SLC26A6: variants seen among roughly 807,000 people sequenced by gnomAD.
SLC26A6 encodes solute carrier family 26 member 6.
In SLC26A6, 67 loss-of-function variants were observed where a neutral mutation model predicts 87.1. The ratio of observed to expected loss-of-function variants is 0.77; its 90% confidence interval spans 0.63 to 0.94. The LOEUF (loss-of-function observed/expected upper bound fraction) is 0.94, where lower values mean the gene tolerates loss of function less well. Ranked by LOEUF, SLC26A6 falls within the 40% of genes least tolerant of loss-of-function variation. The probability of loss-of-function intolerance (pLI) is 0.00; values close to 1 mark genes in which losing one functional copy is unlikely to be tolerated. For synonymous variants in SLC26A6, 414 were observed against 405.9 expected (o/e 1.02, Z -0.24); for missense variants, 902 against 973.0 (o/e 0.93, Z 0.97).
At chr3:48,634,698 G>C (rs751956162) in intron 1 of SLC26A6, 147 of 984,672 alleles carry the variant, frequency 1.5e-4, no homozygotes, top group Admixed American at 1.8e-4. Flanking sequence ...CCTGACCTGG[G>C]GAGAGGATCC....
rs749434122 is a variant in SLC26A6, at chr3:48,631,957, G to C, written c.673C>G (p.Gln225Glu). ...TACTTGAGCTGTGAGACGAAGACCT[G>C]CACAGCTGCAGCTGTGGTATAGCCT... ...VRGYTTAAAV[Q>E]VFVSQLKYVF... Residue 225 changes from glutamine (Q) to glutamate (E), a missense_variant, in exon 6 of 21, where the codon CAG (glutamine) becomes GAG (glutamate). By Grantham distance (29) the Gln-to-Glu change is conservative (BLOSUM62 2). Transcript: ENST00000395550. 1.9e-6 allele frequency: 3 copies of C among 1,613,550 alleles called. No individual in the cohort carries two copies. The Admixed American group carries it at 5.0e-5, about 27-fold the overall frequency.
At chr3:48,635,349 C>T (rs914516329) in intron 1 of SLC26A6, 22 bp downstream of exon 1, 14 of 1,585,024 alleles carry the variant, frequency 8.8e-6, no homozygotes, top group African/African-American at 1.4e-5. Context: ...GCGGGGCCAC[C>T]GGGAATGTGC....
In SLC26A6 at chr3:48,625,989, G is replaced by T. The variant is rs1176599026; in HGVS notation, c.2277C>A (p.Leu759=). The change falls in exon 21 of 21, where the codon CTC becomes CTA. Residue 759 remains leucine, a synonymous_variant. Transcript: ENST00000395550. The surrounding 1 kb of genome is among the most constrained non-coding windows in gnomAD (Gnocchi z 4.7). ...VPDSPVSVTR[L] The stretch of plus-strand genomic sequence containing the variant: ...TCTTGGGCAGGATGTAGCATGTTCA[G>T]AGTCTGGTGACCTGAGCAGGCAGAG... 6.2e-7 allele frequency: 1 copy of T among 1,613,696 alleles called. No individual in the cohort carries two copies. Among genetic ancestry groups the T allele is most frequent in the East Asian group, 2.2e-5 (1 of 44,890 alleles).
At position 48,626,958 on chromosome 3, in the gene SLC26A6, G is replaced by A; in HGVS notation, c.1991C>T (p.Pro664Leu). 1 of 1,614,228 alleles carries A rather than the reference G, an allele frequency of 6.2e-7. No homozygotes were observed. The highest frequency in any genetic ancestry group is 8.5e-7 in the Non-Finnish European group (1 of 1,180,046). ...GATGAGGCTGTGGAAGTCTGGCTGA[G>A]GCAGGCCCAGGGCCTTCAGTGTGGA... is the stretch of plus-strand genomic sequence containing the variant. The part of the protein sequence containing the change: ...DGSTLKALGL[P>L]QPDFHSLILD... Residue 664 changes from proline (P) to leucine (L), a missense_variant, in exon 18 of 21, where the codon CCT (proline) becomes CTT (leucine). Pro to Leu is a moderately conservative substitution (Grantham distance 98, BLOSUM62 -3). Coordinates refer to ENST00000395550, the MANE Select transcript of SLC26A6 (RefSeq NM_022911.3).
chr3:48,629,654 T>A lies in SLC26A6; in HGVS notation c.1587A>T (p.Ala529=). Residue 529 remains alanine, a synonymous_variant, in exon 14 of 21, where the codon GCA becomes GCT. Coordinates refer to ENST00000395550, the MANE Select transcript of SLC26A6 (RefSeq NM_022911.3). ...CCCTGACACTCACCTCTGAGTACTC[T>A]GCCACATCTCTGTAAATATCCGTGT... ...VPDTDIYRDV[A]EYSEAKEVRG... is the part of the protein sequence containing the mutation. The A allele has an allele frequency of 1.2e-6, 2 of 1,612,668 alleles. No homozygotes were observed. Among genetic ancestry groups the A allele is most frequent in the Non-Finnish European group, 1.7e-6 (2 of 1,179,304 alleles).
chr3:48,626,674 G>A lies in SLC26A6; in HGVS notation c.2085C>T (p.Asp695=), dbSNP rs774856729. Residue 695 remains aspartate (D), a synonymous_variant, in exon 19 of 21, where the codon GAC becomes GAT. Coordinates refer to ENST00000395550, the MANE Select transcript of SLC26A6 (RefSeq NM_022911.3). ...ACACCTCCACCTCAATCTCCCGGAA[G>A]TCATGGAAAATCTGTAGCGGAAAAG... is the stretch of plus-strand genomic sequence containing the variant. ...CLKSLKNIFH[D]FREIEVEVYM... 2.5e-6 allele frequency: 4 copies of A among 1,614,024 alleles called. No individual in the cohort carries two copies. The highest frequency in any genetic ancestry group is 1.7e-5 in the Admixed American group (1 of 60,000).
Position 48,630,708 on chromosome 3 carries a change from G to C in SLC26A6, c.1147C>G (p.Leu383Val). The change falls in exon 10 of 21, where the codon CTG becomes GTG. Residue 383 changes from leucine (L) to valine (V), a missense_variant. Leu to Val is a conservative substitution (Grantham distance 32). Coordinates refer to ENST00000395550, the MANE Select transcript of SLC26A6 (RefSeq NM_022911.3). ...RVDSNQELVA[L>V]GLSNLIGGIF... Reference sequence around the variant, plus strand: ...CCTCCGATAAGGTTACTGAGGCCCAGGGCCACCAGCTCCTGACGGGGGACA... The same window carrying C: ...CCTCCGATAAGGTTACTGAGGCCCACGGCCACCAGCTCCTGACGGGGGACA... The C allele has an allele frequency of 6.2e-7, 1 of 1,600,314 alleles. No homozygotes were observed. Among genetic ancestry groups the C allele is most frequent in the Non-Finnish European group, 8.5e-7 (1 of 1,172,550 alleles).
At chr3:48,627,845 G>A (rs764111100) in intron 17 of SLC26A6, 101 bp downstream of exon 17, 13 of 1,143,278 alleles carry the variant, frequency 1.1e-5, no homozygotes, top group South Asian at 4.8e-5. Context: ...CAACACCCTC[G>A]AGCCCACAGC....
chr3:48,628,716 T>G lies in SLC26A6; in HGVS notation c.1600-2A>C. 1.2e-6 allele frequency: 2 copies of G among 1,612,982 alleles called. No individual in the cohort carries two copies. The highest frequency in any genetic ancestry group is 1.7e-6 in the Non-Finnish European group (2 of 1,179,636). On this transcript the variant is annotated splice_acceptor_variant, in intron 14 of 20. Coordinates refer to ENST00000395550, the MANE Select transcript of SLC26A6 (RefSeq NM_022911.3). LOFTEE classifies it high-confidence loss of function. The surrounding 1 kb of genome is among the most constrained non-coding windows in gnomAD (Gnocchi z 4.4). ...CTTCACCCCCCGGACTTCCTTGGCC[T>G]GGGGATGAGGCAGAACTGGTGGTGG...
chr3:48,631,526 C>T (rs185544819), intron 7 of SLC26A6, 123 bp downstream of exon 7: 15 of 1,331,068 alleles, frequency 1.1e-5, no homozygotes, highest in Admixed American at 5.0e-5. Context: ...GTGCCCCCCA[C>T]AATACCCAAG....
At chr3:48,633,686 T>A in intron 1 of SLC26A6, 51 bp from the exon 2 acceptor site, 1 of 1,599,150 alleles carries the variant, frequency 6.3e-7, no homozygotes, top group Non-Finnish European at 8.5e-7. Context: ...TGGCCCAACC[T>A]CCCCTACACC....
At chr3:48,630,813 C>G in intron 9 of SLC26A6, 93 bp from the exon 10 acceptor site, 1 of 1,500,284 alleles carries the variant, frequency 6.7e-7, no homozygotes. Context: ...CAATCTCCAT[C>G]CCCACCAAGT....
rs970278114 is a variant in SLC26A6, at chr3:48,631,983, C to T, written c.647G>A (p.Arg216Gln). ...CACAGCTGCAGCTGTGGTATAGCCTCGGACAAGAGGTTCTGACAGGTAGGT... is the reference window on the plus strand; with the variant it reads ...CACAGCTGCAGCTGTGGTATAGCCTTGGACAAGAGGTTCTGACAGGTAGGT... ...VVTYLSEPLV[R>Q]GYTTAAAVQV... is the part of the protein sequence containing the mutation. The change falls in exon 6 of 21, where the codon CGA becomes CAA. Residue 216 changes from arginine to glutamine, a missense_variant. Arg to Gln is a conservative substitution (Grantham distance 43). This residue lies in a region of SLC26A6 where 800 missense variants were observed against 856.8 expected (regional missense o/e 0.93). Transcript: ENST00000395550. The T allele has an allele frequency of 3.7e-6, 6 of 1,613,368 alleles. No homozygotes were observed. Among genetic ancestry groups the T allele is most frequent in the South Asian group, 2.2e-5 (2 of 91,078 alleles).
At position 48,631,657 on chromosome 3, in the gene SLC26A6, G is replaced by A; in HGVS notation, c.895C>T (p.Leu299=). 1.9e-6 allele frequency: 3 copies of A among 1,613,148 alleles called. No individual in the cohort carries two copies. Among genetic ancestry groups the A allele is most frequent in the Non-Finnish European group, 2.5e-6 (3 of 1,179,840 alleles). ...CTCCCTGGCCCTCGAACCGTGAGCA[G>A]CTCCCCGGGTATCGGCATGGGCAGC... ...QQLPMPIPGE[L]LTLIGATGIS... The change falls in exon 7 of 21, where the codon CTG becomes TTG. Residue 299 remains leucine, a synonymous_variant. Coordinates refer to ENST00000395550, the MANE Select transcript of SLC26A6 (RefSeq NM_022911.3).
chr3:48,633,723 C>T, intron 1 of SLC26A6, 88 bp from the exon 2 acceptor site: 3 of 1,546,814 alleles, frequency 1.9e-6, no homozygotes, highest in Non-Finnish European at 1.7e-6. Flanking sequence ...GAGTTACCTA[C>T]CTGATTTTTC....
intron 8 of SLC26A6, 32 bp downstream of exon 8, chr3:48,631,191 AC>A: frequency 6.2e-7 from 1 of 1,611,450 alleles, no homozygotes; most frequent in Non-Finnish European, 8.5e-7. Context: ...TGGCTGCCCA[AC>A]CCTCCCTGAC....
At chr3:48,635,316 G>A (rs1346620861) in intron 1 of SLC26A6, 55 bp downstream of exon 1, 1 of 1,505,436 alleles carries the variant, frequency 6.6e-7, no homozygotes, top group African/African-American at 1.5e-5. Flanking sequence ...AGCGGAGAAT[G>A]CCTGCTCCAG....
At position 48,626,623 on chromosome 3, in the gene SLC26A6, C is replaced by T. The variant is rs2046630250; in HGVS notation, c.2128+8G>A. ...CCAGGTCCCTCCTGCTGTTCCCACCCTACTCACTGTGGCAGGCCGCCATGT... is the reference window on the plus strand; with the variant it reads ...CCAGGTCCCTCCTGCTGTTCCCACCTTACTCACTGTGGCAGGCCGCCATGT... On this transcript the variant is annotated splice_region_variant and intron_variant, in intron 19 of 20. Coordinates refer to ENST00000395550, the MANE Select transcript of SLC26A6 (RefSeq NM_022911.3). The T allele has an allele frequency of 2.5e-6, 4 of 1,614,076 alleles. No homozygotes were observed. The highest frequency in any genetic ancestry group is 1.7e-6 in the Non-Finnish European group (2 of 1,180,048).
chr3:48,629,744 G>T, intron 13 of SLC26A6, 33 bp from the exon 14 acceptor site: 1 of 1,610,864 alleles, frequency 6.2e-7, no homozygotes, highest in Non-Finnish European at 8.5e-7. Context: ...ACGAAGAGGG[G>T]GCAGAAAAAG....
Sources: gnomAD v4.1 joint callset for allele counts on GRCh38, gnomAD v4.1.1 for gene constraint, gnomAD v4.1.1 regional missense constraint, Gnocchi (gnomAD v3.1) non-coding constraint, MANE v1.5 for transcripts, NCBI Gene and HGNC (gene_info 2026-07-23, HGNC 2026-07-21) for gene names.